The following STT3B variants were observed in gnomAD, a reference collection of about 807,000 sequenced individuals.
The protein encoded by STT3B is dolichyl-diphosphooligosaccharide--protein glycosyltransferase subunit STT3B.
In STT3B, 29 loss-of-function variants were observed where a neutral mutation model predicts 96.8. That is an observed-to-expected ratio of 0.30 (90% CI 0.22 to 0.41). The LOEUF is 0.41. STT3B is among the 10% of genes least tolerant of loss of function. The pLI is 1.00. For missense variants in STT3B, 640 were observed against 1,022.3 expected (o/e 0.63, Z 5.10); for synonymous variants, 367 against 360.0 (o/e 1.02, Z -0.22).
chr3:31,568,145 A>C (rs1243965101), intron 1 of STT3B, among the ~76,000 whole-genome samples: 8 of 152,156 alleles, frequency 5.3e-5, no homozygotes, highest in Admixed American at 4.6e-4. Context: ...TACTTAACAT[A>C]ATGACCTCTC....
intron 1 of STT3B, among the ~76,000 whole-genome samples, chr3:31,575,793 C>T (rs987505755): frequency 6.6e-6 from 1 of 152,016 alleles, no homozygotes; most frequent in Non-Finnish European, 1.5e-5. Context: ...TTTTCCCCTG[C>T]CCATGACAGC....
At chr3:31,618,038 T>G in intron 8 of STT3B, 50 bp downstream of exon 8, 1 of 1,257,688 alleles carries the variant, frequency 8.0e-7, no homozygotes, top group Non-Finnish European at 1.2e-6. Flanking sequence ...ATACTGCTTT[T>G]CCTTTGTTTT....
intron 14 of STT3B, among the ~76,000 whole-genome samples, chr3:31,631,035 C>A (rs1699645301): frequency 6.6e-6 from 1 of 152,160 alleles, no homozygotes; most frequent in Admixed American, 6.5e-5. Context: ...CCTCGTGATC[C>A]CCCTGCCTTG....
intron 1 of STT3B, among the ~76,000 whole-genome samples, chr3:31,535,134 G>A (rs1697055344): frequency 6.6e-6 from 1 of 151,984 alleles, no homozygotes; most frequent in African/African-American, 2.4e-5. Context: ...GCTAACGACT[G>A]TTTAATAGTA....
intron 5 of STT3B, among the ~76,000 whole-genome samples, chr3:31,605,503 T>G (rs1390043447): frequency 6.2e-5 from 3 of 48,406 alleles, no homozygotes; most frequent in African/African-American, 1.0e-4. Context: ...CTCATGGTGG[T>G]GAGTAAGTCT....
At chr3:31,586,822 CT>C (rs1357457124) in intron 3 of STT3B, among the ~76,000 whole-genome samples, 2 of 152,014 alleles carry the variant, frequency 1.3e-5, no homozygotes, top group African/African-American at 4.8e-5. Flanking sequence ...TGTTATTTCT[CT>C]TTTTCAGAAT....
intron 1 of STT3B, among the ~76,000 whole-genome samples, chr3:31,550,200 GT>G (rs1308993419): frequency 5.9e-5 from 9 of 152,280 alleles, no homozygotes; most frequent in Middle Eastern, 6.8e-3. Flanking sequence ...TAGGAATCCT[GT>G]TTTCAGTTAA....
At chr3:31,587,518 C>A (rs1482153922) in intron 3 of STT3B, among the ~76,000 whole-genome samples, 1 of 152,024 alleles carries the variant, frequency 6.6e-6, no homozygotes, top group Non-Finnish European at 1.5e-5. Flanking sequence ...TGTGAGCGAC[C>A]TTACCTGTTT....
At chr3:31,564,603 G>A (rs1697956844) in intron 1 of STT3B, among the ~76,000 whole-genome samples, 1 of 152,122 alleles carries the variant, frequency 6.6e-6, no homozygotes, top group Non-Finnish European at 1.5e-5. Context: ...ACAATTTATT[G>A]ATTTTGTTGT....
intron 1 of STT3B, among the ~76,000 whole-genome samples, chr3:31,542,775 A>G (rs73824173): frequency 0.012 from 1,785 of 152,270 alleles, 37 homozygotes; most frequent in African/African-American, 0.041. Context: ...GACTGTTAAG[A>G]AAAATTCCAG....
intron 9 of STT3B, among the ~76,000 whole-genome samples, chr3:31,621,189 G>A (rs1403253701): frequency 6.6e-6 from 1 of 152,144 alleles, no homozygotes; most frequent in Non-Finnish European, 1.5e-5. Context: ...GGAAATAAGA[G>A]AAGCCAATAC....
At chr3:31,596,445 C>T (rs574089553) in intron 3 of STT3B, among the ~76,000 whole-genome samples, 7 of 152,058 alleles carry the variant, frequency 4.6e-5, no homozygotes, top group Non-Finnish European at 8.8e-5. Flanking sequence ...GTGTAGACAC[C>T]TAAGGAGAAG....
chr3:31,632,843 G>A (rs555021631), intron 14 of STT3B, 92 bp from the exon 15 acceptor site: 192 of 1,063,708 alleles, frequency 1.8e-4, no homozygotes, highest in Non-Finnish European at 2.5e-4. Flanking sequence ...TTTAAAGGGA[G>A]AAGGTATTAC....
intron 1 of STT3B, among the ~76,000 whole-genome samples, chr3:31,540,170 G>A (rs528663323): frequency 1.3e-5 from 2 of 152,040 alleles, no homozygotes; most frequent in Non-Finnish European, 2.9e-5. Flanking sequence ...TTACAATATC[G>A]TAAATGTTGA....
At chr3:31,607,761 G>GTTGTTGTTGTT (rs1553606858) in intron 5 of STT3B, among the ~76,000 whole-genome samples, 2 of 147,632 alleles carry the variant, frequency 1.4e-5, no homozygotes, top group African/African-American at 5.3e-5. Context: ...GGGTTGTTGT[G>GTTGTTGTTGTT]GTTGTTGTTG....
intron 1 of STT3B, among the ~76,000 whole-genome samples, chr3:31,551,832 C>G (rs992745150): frequency 1.3e-5 from 2 of 152,170 alleles, no homozygotes; most frequent in African/African-American, 2.4e-5. Context: ...GCACCAGAGA[C>G]TCCTTGCTGG....
chr3:31,606,720 A>G (rs1194794104), intron 5 of STT3B, among the ~76,000 whole-genome samples: 2 of 152,196 alleles, frequency 1.3e-5, no homozygotes, highest in East Asian at 3.9e-4. Flanking sequence ...GTGGGCTTGA[A>G]GCCCCCATAC....
intron 3 of STT3B, among the ~76,000 whole-genome samples, chr3:31,594,685 G>C (rs1698746702): frequency 6.6e-6 from 1 of 152,146 alleles, no homozygotes; most frequent in South Asian, 2.1e-4. Context: ...CTCCCAAAGT[G>C]CTGGAATTAC....
At chr3:31,571,222 A>G (rs1698127763) in intron 1 of STT3B, among the ~76,000 whole-genome samples, 1 of 151,574 alleles carries the variant, frequency 6.6e-6, no homozygotes, top group African/African-American at 2.4e-5. Context: ...TATTAAGTGG[A>G]TTTTAAGGGT....
Sources: gnomAD v4.1 joint callset for allele counts (sites outside exome capture counted in the v4.1 genomes callset) on GRCh38, gnomAD v4.1.1 for gene constraint, MANE v1.5 for transcripts, NCBI Gene and HGNC (gene_info 2026-07-23, HGNC 2026-07-21) for gene names.